The following ATRNL1 variants were observed in gnomAD, a reference collection of about 807,000 sequenced individuals.
ATRNL1 encodes the protein attractin like 1, also known as attractin-like protein 1.
A neutral mutation model predicts 182.7 loss-of-function variants in ATRNL1; 95 were observed. That is an observed-to-expected ratio of 0.52 (90% CI 0.44 to 0.62). The LOEUF is 0.62. Ranked by LOEUF, ATRNL1 falls within the 20% of genes least tolerant of loss-of-function variation. ATRNL1 has a pLI of 0.00. For missense variants in ATRNL1, 1,471 were observed against 1,679.5 expected (o/e 0.88, Z 2.17); for synonymous variants, 576 against 568.3 (o/e 1.01, Z -0.19).
chr10:115,200,966 C>T (rs1848550109), intron 8 of ATRNL1, among the ~76,000 whole-genome samples: 1 of 150,790 alleles, frequency 6.6e-6, no homozygotes, highest in African/African-American at 2.4e-5. Context: ...ATTTGCATTT[C>T]TCTGATGGCC....
At chr10:115,515,695 T>C (rs1411577453) in intron 24 of ATRNL1, among the ~76,000 whole-genome samples, 1 of 151,896 alleles carries the variant, frequency 6.6e-6, no homozygotes, top group Non-Finnish European at 1.5e-5. Context: ...AGCCTGTAGT[T>C]TGTTTCTACT....
intron 5 of ATRNL1, among the ~76,000 whole-genome samples, chr10:115,148,622 G>T (rs894468986): frequency 6.6e-6 from 1 of 152,104 alleles, no homozygotes; most frequent in Non-Finnish European, 1.5e-5. Flanking sequence ...AATCGAAGAC[G>T]TGGACACACA....
At chr10:115,672,479 C>T (rs184449109) in intron 26 of ATRNL1, among the ~76,000 whole-genome samples, 155 of 152,008 alleles carry the variant, frequency 1.0e-3, no homozygotes, top group Non-Finnish European at 1.8e-3. Context: ...CGTTTTAGAA[C>T]ATAATATATA....
intron 8 of ATRNL1, among the ~76,000 whole-genome samples, chr10:115,208,117 T>G (rs1308145054): frequency 6.6e-6 from 1 of 152,080 alleles, no homozygotes; most frequent in Non-Finnish European, 1.5e-5. Flanking sequence ...CTGTTAAATG[T>G]ATTTTTCATT....
At chr10:115,222,874 A>G (rs1849523285) in intron 9 of ATRNL1, among the ~76,000 whole-genome samples, 1 of 152,242 alleles carries the variant, frequency 6.6e-6, no homozygotes, top group African/African-American at 2.4e-5. Context: ...AGATGATTCT[A>G]AATGACTATC....
intron 10 of ATRNL1, among the ~76,000 whole-genome samples, chr10:115,253,218 T>A (rs1850956803): frequency 6.6e-6 from 1 of 152,206 alleles, no homozygotes. Context: ...TGAGTTGTGA[T>A]GCTCGATGGA....
At position 115,301,933 on chromosome 10, in the gene ATRNL1, G is replaced by T. The variant is rs550926529; in HGVS notation, c.2708G>T (p.Gly903Val). 1.2e-6 allele frequency: 2 copies of T among 1,614,058 alleles called. No individual in the cohort carries two copies. The highest frequency in any genetic ancestry group is 1.1e-5 in the South Asian group (1 of 91,080). ...TCATGTTCCAACTGTACAAGCAATG[G>T]CATGGAGTGTATGTGGTGCAGCAGT... ...RTSCSNCTSN[G>V]MECMWCSSTK... The change falls in exon 17 of 29, where the codon GGC becomes GTC. Residue 903 changes from glycine to valine, a missense_variant. Coordinates refer to ENST00000355044, the MANE Select transcript of ATRNL1 (RefSeq NM_207303.4).
chr10:115,416,061 C>G (rs1201159630), intron 20 of ATRNL1, among the ~76,000 whole-genome samples: 1 of 152,142 alleles, frequency 6.6e-6, no homozygotes, highest in Non-Finnish European at 1.5e-5. Flanking sequence ...GCATTGAGAT[C>G]AACTTTTCTA....
At chr10:115,722,448 AC>A (rs1454940118) in intron 26 of ATRNL1, among the ~76,000 whole-genome samples, 1 of 152,144 alleles carries the variant, frequency 6.6e-6, no homozygotes, top group African/African-American at 2.4e-5. Flanking sequence ...ATGGTAGAAA[AC>A]CATGCTTTCC....
intron 19 of ATRNL1, among the ~76,000 whole-genome samples, chr10:115,392,356 T>A (rs1390939035): frequency 6.6e-6 from 1 of 152,152 alleles, no homozygotes; most frequent in Non-Finnish European, 1.5e-5. Flanking sequence ...ATTTTTCCCT[T>A]GATCTTGTAT....
At chr10:115,635,648 T>C (rs1338379933) in intron 26 of ATRNL1, among the ~76,000 whole-genome samples, 1 of 152,158 alleles carries the variant, frequency 6.6e-6, no homozygotes, top group South Asian at 2.1e-4. Context: ...CCAATAGTAA[T>C]GCAAACATAA....
chr10:115,447,117 G>T (rs554499302), intron 21 of ATRNL1, among the ~76,000 whole-genome samples: 1 of 151,556 alleles, frequency 6.6e-6, no homozygotes, highest in African/African-American at 2.4e-5. Context: ...ATAAAGAATA[G>T]TTTATCTTTT....
chr10:115,426,059 A>G (rs764469880), intron 20 of ATRNL1, among the ~76,000 whole-genome samples, 191 bp from the exon 21 acceptor site: 43 of 151,830 alleles, frequency 2.8e-4, no homozygotes, highest in Non-Finnish European at 3.2e-4. Flanking sequence ...ACTTTTTCTC[A>G]TATATAAAGC....
At chr10:115,194,454 T>C (rs539400533) in intron 8 of ATRNL1, among the ~76,000 whole-genome samples, 2 of 152,140 alleles carry the variant, frequency 1.3e-5, no homozygotes, top group African/African-American at 2.4e-5. Flanking sequence ...CCTTGTCTCT[T>C]TTTGCAGTTT....
chr10:115,245,420 ACC>A (rs1850586371), intron 10 of ATRNL1, among the ~76,000 whole-genome samples: 1 of 143,838 alleles, frequency 7.0e-6, no homozygotes, highest in African/African-American at 2.6e-5. Context: ...AATCGCTTGT[ACC>A]CTGGAGGTGG....
intron 28 of ATRNL1, among the ~76,000 whole-genome samples, chr10:115,920,610 A>G (rs1177140036): frequency 6.6e-6 from 1 of 152,226 alleles, no homozygotes; most frequent in Admixed American, 6.5e-5. Context: ...GGGAATTTGT[A>G]TAAGAAGAGG....
chr10:115,886,196 A>G (rs1274127481), intron 28 of ATRNL1, among the ~76,000 whole-genome samples: 3 of 152,242 alleles, frequency 2.0e-5, no homozygotes, highest in African/African-American at 7.2e-5. Flanking sequence ...GAGCCATCAC[A>G]TGGAGGTAGC....
At chr10:115,764,945 A>G (rs1235050439) in intron 27 of ATRNL1, among the ~76,000 whole-genome samples, 1 of 152,180 alleles carries the variant, frequency 6.6e-6, no homozygotes, top group African/African-American at 2.4e-5. Flanking sequence ...AATCGCTGGG[A>G]TTATAGGCAT....
At chr10:115,407,626 C>T (rs1844898017) in intron 20 of ATRNL1, among the ~76,000 whole-genome samples, 1 of 152,082 alleles carries the variant, frequency 6.6e-6, no homozygotes, top group Admixed American at 6.5e-5. Context: ...CTTTATTCAT[C>T]TATTGATGTA....
Sources: gnomAD v4.1 joint callset for allele counts (sites outside exome capture counted in the v4.1 genomes callset) on GRCh38, gnomAD v4.1.1 for gene constraint, MANE v1.5 for transcripts, NCBI Gene and HGNC (gene_info 2026-07-23, HGNC 2026-07-21) for gene names.